Variants in SLC25A21 observed in about 807,000 individuals in gnomAD.
SLC25A21 encodes the protein mitochondrial 2-oxodicarboxylate carrier.
In SLC25A21, 47 loss-of-function variants were observed where a neutral mutation model predicts 43.8. The ratio of observed to expected loss-of-function variants is 1.07; its 90% CI spans 0.85 to 1.37. The LOEUF (loss-of-function observed/expected upper bound fraction) is 1.37. SLC25A21 is among the 40% of genes most tolerant of loss of function. The pLI is 0.00. For missense variants in SLC25A21, 352 were observed against 350.2 expected (o/e 1.00, Z -0.04); for synonymous variants, 131 against 121.3 (o/e 1.08, Z -0.52).
chr14:36,961,640 G>A (rs1396016848), intron 1 of SLC25A21, among the ~76,000 whole-genome samples: 1 of 152,112 alleles, frequency 6.6e-6, no homozygotes, highest in African/African-American at 2.4e-5. Context: ...CTCCATTGCT[G>A]GTGAGGGGTA....
chr14:37,165,581 G>T (rs961944980), intron 1 of SLC25A21, among the ~76,000 whole-genome samples: 2 of 152,130 alleles, frequency 1.3e-5, no homozygotes, highest in Non-Finnish European at 2.9e-5. Context: ...GGCAGGAGGA[G>T]GGTCCTGGAG....
chr14:37,098,189 G>A (rs1214062911), intron 1 of SLC25A21: 1 of 152,158 alleles, frequency 6.6e-6, no homozygotes, highest in Non-Finnish European at 1.5e-5. Flanking sequence ...GAGGCAGAGG[G>A]ACTCAGCTTT....
At chr14:36,837,320 C>A (rs1889241617) in intron 2 of SLC25A21, among the ~76,000 whole-genome samples, 1 of 151,950 alleles carries the variant, frequency 6.6e-6, no homozygotes, top group Non-Finnish European at 1.5e-5. Flanking sequence ...GGGAGTGGAG[C>A]ACCAGGAGAA....
intron 1 of SLC25A21, among the ~76,000 whole-genome samples, chr14:37,094,987 G>A (rs1962659515): frequency 6.6e-6 from 1 of 152,116 alleles, no homozygotes; most frequent in African/African-American, 2.4e-5. Context: ...CAAAAAAAAA[G>A]TAAGTATGTG....
intron 1 of SLC25A21, among the ~76,000 whole-genome samples, chr14:37,117,136 T>A (rs967451517): frequency 6.6e-6 from 1 of 152,200 alleles, no homozygotes; most frequent in African/African-American, 2.4e-5. Context: ...CTCATTTTAT[T>A]TTTCAACATA....
chr14:36,883,379 C>G (rs1295949544), intron 1 of SLC25A21, among the ~76,000 whole-genome samples: 4 of 152,100 alleles, frequency 2.6e-5, no homozygotes, highest in Non-Finnish European at 5.9e-5. Flanking sequence ...TCACGTGGAC[C>G]AAGAGTAGTC....
At chr14:36,954,319 C>T (rs923495236) in intron 1 of SLC25A21, among the ~76,000 whole-genome samples, 1 of 152,070 alleles carries the variant, frequency 6.6e-6, no homozygotes, top group Non-Finnish European at 1.5e-5. Flanking sequence ...CTCCCCCCAT[C>T]CTAGAGAAGT....
chr14:37,165,207 T>C (rs1031104901), intron 1 of SLC25A21, among the ~76,000 whole-genome samples: 4 of 152,034 alleles, frequency 2.6e-5, no homozygotes, highest in Admixed American at 6.6e-5. Flanking sequence ...CGAAACCTCA[T>C]CTCTACTAAA....
intron 1 of SLC25A21, among the ~76,000 whole-genome samples, chr14:37,164,240 A>G (rs974932835): frequency 2.6e-5 from 4 of 152,162 alleles, no homozygotes; most frequent in African/African-American, 9.7e-5. Flanking sequence ...TGAGAACTAG[A>G]TTTTCTTAAA....
intron 1 of SLC25A21, among the ~76,000 whole-genome samples, chr14:37,050,918 A>G (rs999123060): frequency 1.3e-5 from 2 of 152,228 alleles, no homozygotes; most frequent in African/African-American, 4.8e-5. Flanking sequence ...TTCAAAGTAC[A>G]TTGATTTCAT....
intron 1 of SLC25A21, among the ~76,000 whole-genome samples, chr14:37,130,277 A>G (rs1477827056): frequency 6.6e-6 from 1 of 152,130 alleles, no homozygotes; most frequent in Non-Finnish European, 1.5e-5. Context: ...AAAGATTAAT[A>G]AATTAAAAAA....
At chr14:36,838,244 G>C (rs1889274361) in intron 2 of SLC25A21, among the ~76,000 whole-genome samples, 1 of 152,204 alleles carries the variant, frequency 6.6e-6, no homozygotes, top group Non-Finnish European at 1.5e-5. Context: ...AGTTCAGCTA[G>C]AGAACAGAGG....
chr14:36,927,943 A>G (rs1319576952), intron 1 of SLC25A21, among the ~76,000 whole-genome samples: 1 of 152,154 alleles, frequency 6.6e-6, no homozygotes, highest in Non-Finnish European at 1.5e-5. Context: ...CTGTATATCA[A>G]CTGGCCCTCA....
In SLC25A21 at chr14:36,853,845, C is replaced by T. The variant is rs943559947; in HGVS notation, c.119+21111G>A. Among the ~76,000 whole-genome samples, 51 of 152,290 alleles carry T rather than the reference C, an allele frequency of 3.3e-4. 1 individual carries two copies. The highest frequency in any genetic ancestry group is 1.2e-3 in the African/African-American group (49 of 41,546). The stretch of plus-strand genomic sequence containing the variant: ...CAACAAACACTGCTGCATTATGCAT[C>T]CAGTGCTTTTGTTCCACTTGGATTA... On this transcript the variant is annotated intron_variant, in intron 2 of 9. Transcript: ENST00000331299.
intron 1 of SLC25A21, among the ~76,000 whole-genome samples, chr14:37,095,604 G>C (rs1362600379): frequency 6.6e-6 from 1 of 151,980 alleles, no homozygotes; most frequent in East Asian, 1.9e-4. Context: ...ATATATAAAT[G>C]CCTGGTATGG....
rs577883117 is a variant in SLC25A21 at position 36,916,047 on chromosome 14, A to G, written c.71-41043T>C. The stretch of plus-strand genomic sequence containing the variant: ...AAACAACCATGGAAGTACAAAAGAG[A>G]TGTTCAAAACTTTTGCAAGACTTGA... On this transcript the variant is annotated intron_variant, in intron 1 of 9. Coordinates refer to ENST00000331299, the MANE Select transcript of SLC25A21 (RefSeq NM_030631.4). Among the ~76,000 whole-genome samples, 18 of 152,310 alleles carry G rather than the reference A, an allele frequency of 1.2e-4. 1 individual carries two copies. In the South Asian group the frequency reaches 3.5e-3, roughly 30 times the overall value.
chr14:36,791,249 ATTAC>A (rs1422567935), intron 3 of SLC25A21, among the ~76,000 whole-genome samples: 3 of 152,216 alleles, frequency 2.0e-5, no homozygotes, highest in Admixed American at 1.3e-4. Context: ...AAATGCATAT[ATTAC>A]TTTAACTTAA....
intron 7 of SLC25A21, among the ~76,000 whole-genome samples, chr14:36,708,056 G>A (rs895177685): frequency 1.9e-4 from 29 of 152,108 alleles, no homozygotes; most frequent in African/African-American, 7.0e-4. Context: ...GAGCCCAAAA[G>A]GTGGAGGCTC....
intron 1 of SLC25A21, among the ~76,000 whole-genome samples, chr14:36,958,177 C>T (rs113474288): frequency 3.7e-4 from 56 of 151,944 alleles, no homozygotes; most frequent in African/African-American, 1.4e-3. Context: ...TGCCAACAAG[C>T]CTGCCACTGC....
Sources: gnomAD v4.1 joint callset for allele counts (sites outside exome capture counted in the v4.1 genomes callset) on GRCh38, gnomAD v4.1.1 for gene constraint, MANE v1.5 for transcripts, NCBI Gene and HGNC (gene_info 2026-07-23, HGNC 2026-07-21) for gene names.